The following ZDHHC15 variants were observed in gnomAD, a reference collection of about 807,000 sequenced individuals.
ZDHHC15 encodes palmitoyltransferase ZDHHC15.
Under a neutral mutation model 31.7 loss-of-function variants are expected in ZDHHC15, and 19 were observed. The ratio of observed to expected loss-of-function variants is 0.60; its 90% CI spans 0.42 to 0.88. ZDHHC15 has a LOEUF of 0.88. Ranked by LOEUF, ZDHHC15 falls within the 40% of genes least tolerant of loss-of-function variation. The pLI is 0.00. For missense variants in ZDHHC15, 209 were observed against 251.2 expected (o/e 0.83, Z 1.14); for synonymous variants, 103 against 90.0 (o/e 1.14, Z -0.82).
intron 10 of ZDHHC15, among the ~76,000 whole-genome samples, chrX:75,381,096 C>T (rs2083109839): frequency 9.0e-6 from 1 of 111,015 alleles, no homozygotes; most frequent in Non-Finnish European, 1.9e-5. Context: ...GCATTACCTC[C>T]CCAGCCTCAG....
At chrX:75,504,758 T>C (rs1433174979) in intron 2 of ZDHHC15, among the ~76,000 whole-genome samples, 3 of 111,603 alleles carry the variant, frequency 2.7e-5, no homozygotes, top group South Asian at 7.4e-4. Context: ...TAATATTTTA[T>C]TCAGAAGATG....
intron 2 of ZDHHC15, among the ~76,000 whole-genome samples, chrX:75,490,701 T>C (rs5981363): frequency 0.08 from 8,923 of 110,896 alleles, 549 homozygotes; most frequent in African/African-American, 0.21. Context: ...TGAAGAGGTC[T>C]TTCACGTCCG....
Position 75,431,461 on chromosome X carries a change from C to T in ZDHHC15, c.439G>A (p.Val147Ile). ...ATGGCCGTCACTTACATAGCACAGACAGAGCAGTGGTGGCAGCGGTCTGGC... is the reference window on the plus strand; with the variant it reads ...ATGGCCGTCACTTACATAGCACAGATAGAGCAGTGGTGGCAGCGGTCTGGC... ...IKPDRCHHCS[V>I]CAMCVLKMDH... The change falls in exon 5 of 12, where the codon GTC (valine) becomes ATC (isoleucine). Residue 147 changes from valine (V) to isoleucine (I), a missense_variant. Transcript: ENST00000373367. 8.3e-7 allele frequency: 1 copy of T among 1,208,136 alleles called. No homozygotes were observed. The highest frequency in any genetic ancestry group is 1.1e-6 in the Non-Finnish European group (1 of 893,933).
chrX:75,382,239 C>T (rs1282631016), intron 10 of ZDHHC15, among the ~76,000 whole-genome samples: 1 of 112,172 alleles, frequency 8.9e-6, no homozygotes, highest in Non-Finnish European at 1.9e-5. Flanking sequence ...TCAGGAAATG[C>T]TTTATGAATT....
rs1266051314 is a variant in ZDHHC15, at chrX:75,483,444, G to T, written c.164-4459C>A. On this transcript the variant is annotated intron_variant, in intron 2 of 11. Transcript: ENST00000373367. ...TATCTGGGCATGGTGGCAGATGCTT[G>T]TAATTTCAGTTACTTGGGAGGCAGA... is the stretch of plus-strand genomic sequence containing the variant. 8.1e-5 allele frequency among the ~76,000 whole-genome samples: 9 copies of T among 110,633 alleles called. No homozygotes were observed. In the Admixed American group the frequency reaches 8.7e-4, roughly 11 times the overall value.
At chrX:75,510,574 A>C (rs1312795748) in intron 1 of ZDHHC15, among the ~76,000 whole-genome samples, 1 of 66,454 alleles carries the variant, frequency 1.5e-5, no homozygotes, top group East Asian at 4.0e-4. Flanking sequence ...TATTATTATT[A>C]TTATTATTTT....
chrX:75,469,034 T>C lies in ZDHHC15; in HGVS notation c.258+9857A>G, dbSNP rs189725806. Among the ~76,000 whole-genome samples the C allele has an allele frequency of 4.2e-3, 387 of 91,884 alleles. 1 individual carries two copies. The highest frequency in any genetic ancestry group is 0.013 in the African/African-American group (368 of 29,300). The allele number at this position is 91,884 out of a possible 115,157, so 79.8% of individuals were successfully genotyped here. A position where few individuals can be genotyped will look rare whatever the true frequency, so the allele number is the denominator to read the frequency against. ...TGATCATCTCACTTTCTTGATAGTG[T>C]TGTTTGATGTACAAAAGGCTTTTTT... On this transcript the variant is annotated intron_variant, in intron 3 of 11. Transcript: ENST00000373367.
intron 4 of ZDHHC15, among the ~76,000 whole-genome samples, chrX:75,447,100 T>C (rs1221657998): frequency 9.0e-6 from 1 of 111,654 alleles, no homozygotes; most frequent in Non-Finnish European, 1.9e-5. Context: ...ATATTGACTT[T>C]CACTCACCAA....
chrX:75,408,489 A>C (rs1264252604), intron 10 of ZDHHC15, among the ~76,000 whole-genome samples: 1 of 112,230 alleles, frequency 8.9e-6, no homozygotes, highest in African/African-American at 3.2e-5. Flanking sequence ...ACCCACAGCT[A>C]ACATAATACT....
At chrX:75,514,684 G>C (rs773467990) in intron 1 of ZDHHC15, among the ~76,000 whole-genome samples, 2 of 111,324 alleles carry the variant, frequency 1.8e-5, no homozygotes, top group Non-Finnish European at 3.8e-5. Context: ...GGACACTCCC[G>C]CCCTAATACT....
rs184321808 is a variant in ZDHHC15, at chrX:75,434,041, G to A, written c.380-2521C>T. On this transcript the variant is annotated intron_variant, in intron 4 of 11. Transcript: ENST00000373367. ...TTTTTAAATTACGGCCATTCTTGCA[G>A]GAATAAGGTGGTATTGCATTGTGGT... Among the ~76,000 whole-genome samples, 33 of 111,833 alleles carry A rather than the reference G, an allele frequency of 3.0e-4. No individual in the cohort carries two copies. In the East Asian group the frequency reaches 9.0e-3, roughly 30 times the overall value.
intron 11 of ZDHHC15, among the ~76,000 whole-genome samples, chrX:75,376,268 T>C (rs775066350): frequency 1.8e-5 from 2 of 109,125 alleles, no homozygotes; most frequent in East Asian, 5.7e-4. Context: ...GTTTTTTTTT[T>C]TTTGCTTGTT....
intron 9 of ZDHHC15, among the ~76,000 whole-genome samples, chrX:75,419,401 A>G (rs1352651979): frequency 8.9e-6 from 1 of 111,958 alleles, no homozygotes; most frequent in Non-Finnish European, 1.9e-5. Context: ...CACAATGAGT[A>G]CCATCTCACA....
intron 10 of ZDHHC15, among the ~76,000 whole-genome samples, chrX:75,408,573 G>A (rs2083446283): frequency 8.9e-6 from 1 of 112,090 alleles, no homozygotes; most frequent in African/African-American, 3.2e-5. Flanking sequence ...CCAATTTTAT[G>A]CAACATAATA....
At chrX:75,452,547 C>A (rs1487426393) in intron 3 of ZDHHC15, among the ~76,000 whole-genome samples, 1 of 111,663 alleles carries the variant, frequency 9.0e-6, no homozygotes, top group Non-Finnish European at 1.9e-5. Flanking sequence ...ACCTAATAGA[C>A]ATCCACAGAA....
chrX:75,490,133 C>T (rs191225630), intron 2 of ZDHHC15, among the ~76,000 whole-genome samples: 2 of 111,838 alleles, frequency 1.8e-5, no homozygotes, highest in East Asian at 5.6e-4. Flanking sequence ...CTGAAAGTGA[C>T]AGGGAGAATG....
chrX:75,437,238 T>C (rs58336744), intron 4 of ZDHHC15, among the ~76,000 whole-genome samples: 1,916 of 105,199 alleles, frequency 0.018, 48 homozygotes, highest in African/African-American at 0.061. Flanking sequence ...CTACTGTTTC[T>C]TTGTTGTTTC....
In ZDHHC15 at chrX:75,369,258, TTTAAA is replaced by T. The variant is rs1340128340; in HGVS notation, c.*3715_*3719del. On this transcript the variant is annotated 3_prime_UTR_variant, in exon 12 of 12. Coordinates refer to ENST00000373367, the MANE Select transcript of ZDHHC15 (RefSeq NM_144969.3). ...AAAGGAGAAAACAGATAATCATTCT[TTTAAA>T]TTAAAGTATTTGCTCCTGCTGAAGA... The T allele has an allele frequency of 9.0e-6, 1 of 111,577 alleles. No homozygotes were observed. Among genetic ancestry groups the T allele is most frequent in the African/African-American group, 3.3e-5 (1 of 30,664 alleles). 9.2% of individuals were successfully genotyped at this position (111,577 alleles called of 1,213,427 possible).
At chrX:75,393,995 G>A (rs1311505066) in intron 10 of ZDHHC15, among the ~76,000 whole-genome samples, 1 of 111,018 alleles carries the variant, frequency 9.0e-6, no homozygotes, top group African/African-American at 3.3e-5. Context: ...TGTGCTGGCA[G>A]CTGATTAGAT....
Sources: gnomAD v4.1 joint callset for allele counts (sites outside exome capture counted in the v4.1 genomes callset) on GRCh38, gnomAD v4.1.1 for gene constraint, MANE v1.5 for transcripts, NCBI Gene and HGNC (gene_info 2026-07-23, HGNC 2026-07-21) for gene names.